Variants in LIAT1 observed in about 807,000 individuals in gnomAD.
LIAT1 encodes the protein ligand of ATE1.
chr17:413,336 C>A, the LIAT1 span: 2 of 1,614,260 alleles, frequency 1.2e-6, no homozygotes, highest in South Asian at 2.2e-5. Context: ...CCTTGCGAAT[C>A]GGATCAACGA....
the LIAT1 span, chr17:413,798 C>T: frequency 1.8e-3 from 2,704 of 1,527,364 alleles, 117 homozygotes; most frequent in African/African-American, 0.044. Flanking sequence ...CCACACTGAC[C>T]CCGAGGCCCT....
the LIAT1 span, chr17:410,748 T>A: frequency 8.7e-7 from 1 of 1,153,450 alleles, no homozygotes; most frequent in East Asian, 2.6e-5. Context: ...AGAAGCTCAG[T>A]GGTCCCGGAC....
At chr17:413,407 C>T in the LIAT1 span, 4 of 1,614,256 alleles carry the variant, frequency 2.5e-6, no homozygotes. Context: ...GGATTCGCAT[C>T]TATAAACTGA....
chr17:412,342 T>C, the LIAT1 span, among the ~76,000 whole-genome samples: 1 of 151,836 alleles, frequency 6.6e-6, no homozygotes, highest in Non-Finnish European at 1.5e-5. Context: ...AAAAAGAAAT[T>C]TGGCAGTTCA....
the LIAT1 span, chr17:413,387 G>A: frequency 1.9e-6 from 3 of 1,614,140 alleles, no homozygotes; most frequent in Admixed American, 1.7e-5. Flanking sequence ...CCCGGAGGCA[G>A]AGAAGGAAAG....
At chr17:410,737 CAGA>C in the LIAT1 span, 4 of 1,256,420 alleles carry the variant, frequency 3.2e-6, no homozygotes, top group Non-Finnish European at 4.4e-6. Context: ...AGACCGGAAA[CAGA>C]AGCTCAGTGG....
At chr17:410,426 G>A in the LIAT1 span, 1 of 1,538,030 alleles carries the variant, frequency 6.5e-7, no homozygotes, top group East Asian at 2.5e-5. Flanking sequence ...CCCCGGGGCG[G>A]GTTGGGTTGC....
chr17:414,193 G>A, the LIAT1 span: 1 of 1,490,868 alleles, frequency 6.7e-7, no homozygotes, highest in South Asian at 1.3e-5. This position sits in a 1 kb window ranked among gnomAD's most constrained non-coding sequence, Gnocchi z 4.1. Flanking sequence ...CATCATAAAA[G>A]GAAATGAGAC....
the LIAT1 span, chr17:413,347 A>C: frequency 1.2e-6 from 2 of 1,614,222 alleles, no homozygotes; most frequent in Non-Finnish European, 1.7e-6. Context: ...GGATCAACGA[A>C]AGTCTGCGTT....
the LIAT1 span, among the ~76,000 whole-genome samples, chr17:412,095 A>G: frequency 3.3e-5 from 5 of 152,232 alleles, no homozygotes; most frequent in East Asian, 5.8e-4. Context: ...GGCTGGGCAC[A>G]TGGCTCACGC....
chr17:413,406 T>C, the LIAT1 span: 1 of 1,614,068 alleles, frequency 6.2e-7, no homozygotes, highest in Non-Finnish European at 8.5e-7. Context: ...AGGATTCGCA[T>C]CTATAAACTG....
At chr17:414,186 C>A in the LIAT1 span, 4 of 1,520,558 alleles carry the variant, frequency 2.6e-6, no homozygotes, top group Non-Finnish European at 3.5e-6. The surrounding 1 kb of genome is among the most constrained non-coding windows in gnomAD (Gnocchi z 4.1). Context: ...AAACCATCAT[C>A]ATAAAAGGAA....
At chr17:411,629 G>A in the LIAT1 span, among the ~76,000 whole-genome samples, 331 of 152,280 alleles carry the variant, frequency 2.2e-3, 2 homozygotes, top group African/African-American at 7.4e-3. Context: ...ATCCATTCGC[G>A]TGTGTAGTCA....
chr17:412,797 T>C, the LIAT1 span, among the ~76,000 whole-genome samples: 1 of 152,164 alleles, frequency 6.6e-6, no homozygotes, highest in East Asian at 1.9e-4. Flanking sequence ...GAATGGGGCA[T>C]TGGGGGCCCA....
the LIAT1 span, chr17:413,950 C>T: frequency 1.9e-6 from 3 of 1,614,244 alleles, no homozygotes; most frequent in Non-Finnish European, 2.5e-6. Context: ...ACACTGACCC[C>T]AATGCCGAGG....
the LIAT1 span, chr17:414,167 A>T: frequency 1.9e-6 from 3 of 1,569,590 alleles, no homozygotes; most frequent in East Asian, 2.2e-5. This position sits in a 1 kb window ranked among gnomAD's most constrained non-coding sequence, Gnocchi z 4.1. Flanking sequence ...CCACAAGTTT[A>T]TGTGTTAAAA....
chr17:414,256 T>A, the LIAT1 span: 1 of 1,064,834 alleles, frequency 9.4e-7, no homozygotes, highest in Admixed American at 2.3e-5. This position sits in a 1 kb window ranked among gnomAD's most constrained non-coding sequence, Gnocchi z 4.1. Context: ...GACTCTCCCA[T>A]CACCAAGCTG....
At chr17:412,069 T>C in the LIAT1 span, among the ~76,000 whole-genome samples, 1 of 152,160 alleles carries the variant, frequency 6.6e-6, no homozygotes, top group Non-Finnish European at 1.5e-5. Flanking sequence ...GCAGTTCAGG[T>C]CAAGAAGCCC....
the LIAT1 span, chr17:414,068 A>AC: frequency 6.2e-7 from 1 of 1,614,014 alleles, no homozygotes. The surrounding 1 kb of genome is among the most constrained non-coding windows in gnomAD (Gnocchi z 4.1). Flanking sequence ...AGGAAACCTT[A>AC]CCCCAAAGCT....
Sources: allele counts gnomAD v4.1 joint callset (sites outside exome capture counted in the v4.1 genomes callset), GRCh38; gene constraint gnomAD v4.1.1; non-coding constraint Gnocchi (gnomAD v3.1); transcripts MANE v1.5; gene names NCBI Gene and HGNC (gene_info 2026-07-23, HGNC 2026-07-21).